Variants in GRIK4 observed in about 807,000 individuals in gnomAD.
The protein encoded by GRIK4 is glutamate ionotropic receptor kainate type subunit 4.
In GRIK4, 40 loss-of-function variants were observed where a neutral mutation model predicts 104.9. The ratio of observed to expected loss-of-function variants is 0.38; its 90% CI spans 0.30 to 0.50. GRIK4 has a LOEUF of 0.50. GRIK4 is among the 20% of genes least tolerant of loss of function. The probability of loss-of-function intolerance (pLI) is 0.93; values close to 1 mark genes in which losing one functional copy is unlikely to be tolerated. For synonymous variants in GRIK4, 485 were observed against 524.9 expected (o/e 0.92, Z 1.04); for missense variants, 1,047 against 1,308.1 (o/e 0.80, Z 3.08).
chr11:120,780,899 G>A (rs948201060), intron 3 of GRIK4, among the ~76,000 whole-genome samples: 4 of 151,908 alleles, frequency 2.6e-5, no homozygotes, highest in South Asian at 2.1e-4. Context: ...CTGCCACCAC[G>A]CCTGGCTAAT....
chr11:120,539,618 T>A (rs1948011932), intron 1 of GRIK4, among the ~76,000 whole-genome samples: 1 of 152,194 alleles, frequency 6.6e-6, no homozygotes, highest in Non-Finnish European at 1.5e-5. Flanking sequence ...ATCTGGAGTT[T>A]AATTTGAATG....
intron 19 of GRIK4, among the ~76,000 whole-genome samples, chr11:120,980,693 A>G (rs73585206): frequency 0.021 from 3,209 of 152,294 alleles, 114 homozygotes; most frequent in African/African-American, 0.072. Context: ...TGTTCAAAAT[A>G]CAGGATTCCC....
intron 3 of GRIK4, among the ~76,000 whole-genome samples, chr11:120,723,631 T>C (rs1300542780): frequency 6.6e-6 from 1 of 152,206 alleles, no homozygotes; most frequent in African/African-American, 2.4e-5. Flanking sequence ...AGTGTTGATT[T>C]GCCCACATGA....
intron 11 of GRIK4, among the ~76,000 whole-genome samples, chr11:120,880,270 C>A (rs983237471): frequency 6.6e-6 from 1 of 152,210 alleles, no homozygotes; most frequent in African/African-American, 2.4e-5. Flanking sequence ...AGAAAGCCGG[C>A]TCTACTGACA....
intron 14 of GRIK4, among the ~76,000 whole-genome samples, chr11:120,943,903 C>A (rs1484607533): frequency 3.3e-5 from 5 of 152,180 alleles, no homozygotes; most frequent in African/African-American, 1.2e-4. Flanking sequence ...TTGTGACTTT[C>A]CAGCGATCCA....
chr11:120,945,883 T>C (rs1336141270), intron 14 of GRIK4, among the ~76,000 whole-genome samples: 3 of 152,238 alleles, frequency 2.0e-5, no homozygotes, highest in Non-Finnish European at 4.4e-5. Flanking sequence ...TTCTAGGCTA[T>C]ATATAGATGG....
At chr11:120,801,262 G>A (rs967541575) in intron 3 of GRIK4, among the ~76,000 whole-genome samples, 1 of 152,202 alleles carries the variant, frequency 6.6e-6, no homozygotes, top group African/African-American at 2.4e-5. Flanking sequence ...GTCTCGCTCT[G>A]TCACCCAGGC....
At chr11:120,827,376 G>A (rs145211245) in intron 6 of GRIK4, among the ~76,000 whole-genome samples, 3 of 152,224 alleles carry the variant, frequency 2.0e-5, no homozygotes, top group African/African-American at 4.8e-5. Context: ...TCATCGATCC[G>A]TCCCGCTGCA....
chr11:120,726,705 T>C (rs1951032754), intron 3 of GRIK4, among the ~76,000 whole-genome samples: 1 of 152,174 alleles, frequency 6.6e-6, no homozygotes, highest in South Asian at 2.1e-4. Context: ...GAGACATCTA[T>C]TAGACATAGA....
intron 1 of GRIK4, among the ~76,000 whole-genome samples, chr11:120,558,614 C>CA (rs1054177823): frequency 7.2e-5 from 11 of 151,908 alleles, no homozygotes; most frequent in East Asian, 1.9e-4. Context: ...CAAAACAAAA[C>CA]AAAAAAAACC....
chr11:120,816,446 C>A (rs1952961799), intron 5 of GRIK4, among the ~76,000 whole-genome samples: 1 of 152,162 alleles, frequency 6.6e-6, no homozygotes, highest in African/African-American at 2.4e-5. Flanking sequence ...CTCAGTCTCG[C>A]TTCTGCCCTA....
intron 3 of GRIK4, among the ~76,000 whole-genome samples, chr11:120,682,607 T>TC (rs1555040802): frequency 1.4e-5 from 2 of 138,912 alleles, no homozygotes; most frequent in South Asian, 4.7e-4. Flanking sequence ...TTTTTTTTTT[T>TC]CCCATCTGGC....
At chr11:120,781,031 T>A (rs564252370) in intron 3 of GRIK4, among the ~76,000 whole-genome samples, 2 of 152,184 alleles carry the variant, frequency 1.3e-5, no homozygotes, top group South Asian at 4.2e-4. Context: ...CATGAGCCAC[T>A]GCACCTGGCC....
At chr11:120,816,681 C>A (rs746260432) in intron 5 of GRIK4, among the ~76,000 whole-genome samples, 10 of 152,094 alleles carry the variant, frequency 6.6e-5, no homozygotes, top group Admixed American at 1.3e-4. Flanking sequence ...GAGTCCCTGA[C>A]GCTTTGGGCA....
chr11:120,554,565 CT>C (rs547467947), intron 1 of GRIK4, among the ~76,000 whole-genome samples: 66 of 145,956 alleles, frequency 4.5e-4, no homozygotes, highest in Admixed American at 3.4e-4. Flanking sequence ...TTTTCTTTTT[CT>C]TTTTTTTTTT....
chr11:120,549,112 T>TC lies in GRIK4; in HGVS notation c.-159+37226dup, dbSNP rs546331709. On this transcript the variant is annotated intron_variant, in intron 1 of 20. Transcript: ENST00000527524. This position sits in a 1 kb window ranked among gnomAD's most constrained non-coding sequence, Gnocchi z 4.7. ...CCTGTTTCCTGGCTGTTTTTTTTTTTCACTGAGACAGAGTCTTGCCTTGTT... is the reference window on the plus strand; with the variant it reads ...CCTGTTTCCTGGCTGTTTTTTTTTTTCCACTGAGACAGAGTCTTGCCTTGTT... Among the ~76,000 whole-genome samples, 573 of 151,918 alleles carry TC rather than the reference T, an allele frequency of 3.8e-3. 4 individuals are homozygous for TC. Among genetic ancestry groups the TC allele is most frequent in the African/African-American group, 0.013 (535 of 41,464 alleles).
intron 1 of GRIK4, among the ~76,000 whole-genome samples, chr11:120,556,864 C>T (rs774369753): frequency 8.5e-5 from 13 of 152,188 alleles, no homozygotes; most frequent in East Asian, 1.9e-4. Context: ...CAACTCTGCG[C>T]GGGGCCTCTC....
intron 8 of GRIK4, among the ~76,000 whole-genome samples, chr11:120,859,889 A>G (rs1954215635): frequency 6.6e-6 from 1 of 152,220 alleles, no homozygotes; most frequent in Non-Finnish European, 1.5e-5. Flanking sequence ...CTTCAAAGGA[A>G]GCTTGGTACC....
At chr11:120,692,694 C>A (rs1373591528) in intron 3 of GRIK4, among the ~76,000 whole-genome samples, 3 of 152,074 alleles carry the variant, frequency 2.0e-5, no homozygotes, top group Non-Finnish European at 4.4e-5. Context: ...ACCCGGTGTG[C>A]CTTAGTAGGA....
Sources: gnomAD v4.1 joint callset for allele counts (sites outside exome capture counted in the v4.1 genomes callset) on GRCh38, gnomAD v4.1.1 for gene constraint, Gnocchi (gnomAD v3.1) non-coding constraint, MANE v1.5 for transcripts, NCBI Gene and HGNC (gene_info 2026-07-23, HGNC 2026-07-21) for gene names.